The following PACSIN2 variants were observed in gnomAD, a reference collection of about 807,000 sequenced individuals.
The protein encoded by PACSIN2 is protein kinase C and casein kinase substrate in neurons 2.
Under a neutral mutation model 63.8 loss-of-function variants are expected in PACSIN2, and 25 were observed. The observed-to-expected ratio is 0.39, with a 90% CI of 0.29 to 0.55. PACSIN2 has a LOEUF of 0.55. Ranked by LOEUF, PACSIN2 falls within the 20% of genes least tolerant of loss-of-function variation. The probability of loss-of-function intolerance (pLI) is 0.62; values close to 1 mark genes in which losing one functional copy is unlikely to be tolerated. For missense variants in PACSIN2, 518 were observed against 646.9 expected, an observed-to-expected ratio of 0.80 and a Z score of 2.16; for synonymous variants, 255 against 256.2, an observed-to-expected ratio of 1.00 and a Z score of 0.05.
At chr22:42,933,874 T>C (rs904040681) in intron 1 of PACSIN2, among the ~76,000 whole-genome samples, 2 of 152,188 alleles carry the variant, frequency 1.3e-5, no homozygotes, top group African/African-American at 4.8e-5. Context: ...TGTGTGAAAG[T>C]ATGAACAAGC....
chr22:42,986,927 C>G (rs1922657322), intron 1 of PACSIN2, among the ~76,000 whole-genome samples: 1 of 152,158 alleles, frequency 6.6e-6, no homozygotes, highest in Non-Finnish European at 1.5e-5. Context: ...AATAAAGCCC[C>G]TAAGATCCCC....
intron 1 of PACSIN2, among the ~76,000 whole-genome samples, chr22:42,962,775 C>CGGGGT (rs756766401): frequency 1.2e-4 from 2 of 16,420 alleles, no homozygotes; most frequent in African/African-American, 3.6e-4. Flanking sequence ...AAGGTGTGGG[C>CGGGGT]GGGGGGGGGG....
chr22:43,005,359 G>C (rs1924025458), intron 1 of PACSIN2, among the ~76,000 whole-genome samples: 1 of 152,208 alleles, frequency 6.6e-6, no homozygotes, highest in African/African-American at 2.4e-5. Context: ...TACCAACCCA[G>C]AAGAGAGCAA....
rs11404921 is a variant in PACSIN2 at position 42,942,100 on chromosome 22, CT to C, written c.-77-29944del. ...CCTTTATTATTGAATTTTAAGAGTT[CT>C]TTTTTTTTTTTTTTTTTAATTCTTT... On this transcript the variant is annotated intron_variant, in intron 1 of 10. Coordinates refer to ENST00000263246, the MANE Select transcript of PACSIN2 (RefSeq NM_001184970.3). Among the ~76,000 whole-genome samples the C allele has an allele frequency of 9.9e-3, 1,308 of 132,146 alleles. 19 individuals carry two copies. Among genetic ancestry groups the C allele is most frequent in the African/African-American group, 0.029 (1,019 of 35,318 alleles). The allele number at this position is 132,146 out of a possible 152,430, so 86.7% of individuals were successfully genotyped here.
intron 1 of PACSIN2, among the ~76,000 whole-genome samples, chr22:42,947,777 C>CT (rs1398211850): frequency 1.3e-5 from 2 of 152,166 alleles, no homozygotes; most frequent in Non-Finnish European, 2.9e-5. Flanking sequence ...ATCTGCCTGA[C>CT]AGGTTGCACG....
At chr22:42,974,164 T>C (rs1471964752) in intron 1 of PACSIN2, among the ~76,000 whole-genome samples, 2 of 152,190 alleles carry the variant, frequency 1.3e-5, no homozygotes, top group African/African-American at 2.4e-5. Context: ...CTTCCCTCCG[T>C]ATCCCTATGT....
intron 1 of PACSIN2, among the ~76,000 whole-genome samples, chr22:42,953,182 C>T (rs762080799): frequency 3.3e-5 from 5 of 151,604 alleles, no homozygotes; most frequent in Non-Finnish European, 7.4e-5. Flanking sequence ...TGTTTTCTAT[C>T]CTTCCATTGT....
At chr22:42,895,218 C>G (rs1381290972) in intron 2 of PACSIN2, among the ~76,000 whole-genome samples, 1 of 152,224 alleles carries the variant, frequency 6.6e-6, no homozygotes, top group Non-Finnish European at 1.5e-5. Context: ...CGGAAGTGAG[C>G]ATTTTCACAG....
intron 1 of PACSIN2, among the ~76,000 whole-genome samples, chr22:42,979,200 TTG>T (rs999933620): frequency 6.6e-6 from 1 of 152,138 alleles, no homozygotes; most frequent in Non-Finnish European, 1.5e-5. Context: ...GTTCATCTGT[TTG>T]TGTTTTTATT....
intron 1 of PACSIN2, among the ~76,000 whole-genome samples, chr22:43,006,104 T>C (rs1924074058): frequency 6.6e-6 from 1 of 152,118 alleles, no homozygotes; most frequent in Non-Finnish European, 1.5e-5. Flanking sequence ...CTCATGCCTT[T>C]ATAAAAAGTA....
chr22:42,942,264 A>G (rs928387069), intron 1 of PACSIN2, among the ~76,000 whole-genome samples: 1 of 152,062 alleles, frequency 6.6e-6, no homozygotes, highest in African/African-American at 2.4e-5. Context: ...TATTCAAGGT[A>G]TCTTTATCAG....
intron 6 of PACSIN2, among the ~76,000 whole-genome samples, chr22:42,883,668 C>T (rs1299409457): frequency 3.9e-5 from 6 of 152,242 alleles, no homozygotes; most frequent in Non-Finnish European, 7.3e-5. Context: ...GTCCCAGGCA[C>T]GACCAGCCCA....
intron 1 of PACSIN2, among the ~76,000 whole-genome samples, chr22:43,006,059 T>C (rs1924071499): frequency 6.6e-6 from 1 of 152,064 alleles, no homozygotes; most frequent in South Asian, 2.1e-4. Context: ...TCCAAAAGTG[T>C]TGAGATTACA....
intron 1 of PACSIN2, among the ~76,000 whole-genome samples, chr22:42,990,337 T>C (rs887862223): frequency 6.6e-6 from 1 of 152,056 alleles, no homozygotes; most frequent in Non-Finnish European, 1.5e-5. Context: ...CATGCCTGCA[T>C]TGTTCATCCC....
At chr22:42,921,026 G>A (rs1313928214) in intron 1 of PACSIN2, among the ~76,000 whole-genome samples, 1 of 151,824 alleles carries the variant, frequency 6.6e-6, no homozygotes, top group African/African-American at 2.4e-5. Context: ...GAACTCTTGG[G>A]CTCAAGTGAT....
intron 2 of PACSIN2, among the ~76,000 whole-genome samples, chr22:42,897,200 G>T (rs1428389025): frequency 6.6e-6 from 1 of 152,206 alleles, no homozygotes; most frequent in Non-Finnish European, 1.5e-5. Context: ...GCCTCCCAAA[G>T]TGTTGGGATT....
intron 1 of PACSIN2, among the ~76,000 whole-genome samples, chr22:42,923,015 G>A (rs1246145273): frequency 6.6e-6 from 1 of 152,190 alleles, no homozygotes; most frequent in Non-Finnish European, 1.5e-5. Context: ...GGCAGAGGCA[G>A]AGGGAGTGAG....
chr22:42,971,678 G>C (rs1921286184), intron 1 of PACSIN2, among the ~76,000 whole-genome samples: 1 of 151,736 alleles, frequency 6.6e-6, no homozygotes, highest in Non-Finnish European at 1.5e-5. Context: ...TGAGAAGTGA[G>C]GAGCCCCTCC....
At chr22:43,013,837 G>C (rs902067243) in intron 1 of PACSIN2, among the ~76,000 whole-genome samples, 1 of 152,190 alleles carries the variant, frequency 6.6e-6, no homozygotes, top group African/African-American at 2.4e-5. Context: ...GAGACTCTGA[G>C]CAGCCTACCC....
Sources: allele counts gnomAD v4.1 joint callset (sites outside exome capture counted in the v4.1 genomes callset), GRCh38; gene constraint gnomAD v4.1.1; transcripts MANE v1.5; gene names NCBI Gene and HGNC (gene_info 2026-07-23, HGNC 2026-07-21).